Variants in ZBBX observed in about 807,000 individuals in gnomAD.
The protein encoded by ZBBX is zinc finger B-box domain-containing protein 1.
Under a neutral mutation model 108.5 loss-of-function variants are expected in ZBBX, and 101 were observed. The observed-to-expected ratio is 0.93, with a 90% CI of 0.79 to 1.10. The LOEUF (loss-of-function observed/expected upper bound fraction) is 1.10, where lower values mean the gene tolerates loss of function less well. ZBBX is among the 50% of genes least tolerant of loss of function. ZBBX has a pLI of 0.00. For synonymous variants in ZBBX, 356 were observed against 323.4 expected, an observed-to-expected ratio of 1.10 and a Z score of -1.08; for missense variants, 1,009 against 941.4, an observed-to-expected ratio of 1.07 and a Z score of -0.94.
At chr3:167,286,750 G>A (rs1173670413) in intron 19 of ZBBX, among the ~76,000 whole-genome samples, 1 of 152,058 alleles carries the variant, frequency 6.6e-6, no homozygotes, top group Non-Finnish European at 1.5e-5. Flanking sequence ...CATTTCCAGA[G>A]GCAGGAAGAT....
At chr3:167,186,220 ATTACT>A in the ZBBX span, among the ~76,000 whole-genome samples, 65 of 152,070 alleles carry the variant, frequency 4.3e-4, no homozygotes, top group South Asian at 1.9e-3. Flanking sequence ...CATATTACTG[ATTACT>A]TTATTTCAAA....
rs1738393872 is a variant in ZBBX, at chr3:167,330,871, G to GGAGAAGAAGAAGAAGAAGAAGA, written c.688-2756_688-2755insTCTTCTTCTTCTTCTTCTTCTC. Among the ~76,000 whole-genome samples the GGAGAAGAAGAAGAAGAAGAAGA allele has an allele frequency of 9.1e-5, 4 of 43,916 alleles. 1 individual carries two copies. Among genetic ancestry groups the GGAGAAGAAGAAGAAGAAGAAGA allele is most frequent in the African/African-American group, 3.2e-4 (4 of 12,344 alleles). The allele number at this position is 43,916 out of a possible 152,430, so 28.8% of individuals were successfully genotyped here. On this transcript the variant is annotated intron_variant, in intron 10 of 21. Transcript: ENST00000675490. ...GGAGGAGGAGGAGGAGGAGGAGGAGGAGAAGAAGAAGAAGAAGAAGAAGAA... is the reference window on the plus strand; with the variant it reads ...GGAGGAGGAGGAGGAGGAGGAGGAGGGAGAAGAAGAAGAAGAAGAAGAAGAAGAAGAAGAAGAAGAAGAAGAA...
At chr3:167,278,636 A>G (rs1373363159) in intron 20 of ZBBX, among the ~76,000 whole-genome samples, 1 of 151,634 alleles carries the variant, frequency 6.6e-6, no homozygotes, top group Admixed American at 6.6e-5. Context: ...AGAGTCCAGG[A>G]CCAGATGGAT....
intron 1 of ZBBX, among the ~76,000 whole-genome samples, chr3:167,402,227 A>G (rs973299337): frequency 1.3e-5 from 2 of 152,218 alleles, no homozygotes; most frequent in African/African-American, 2.4e-5. Flanking sequence ...AAATCATTCA[A>G]TCTGCTGCAT....
chr3:167,329,075 A>T (rs1025066921), intron 10 of ZBBX, among the ~76,000 whole-genome samples: 8 of 152,212 alleles, frequency 5.3e-5, no homozygotes, highest in African/African-American at 1.9e-4. Flanking sequence ...AAGTTCATCG[A>T]TGCATGTAAT....
intron 20 of ZBBX, chr3:167,252,308 T>G: frequency 1.3e-6 from 1 of 746,510 alleles, no homozygotes; most frequent in Non-Finnish European, 2.0e-6. Context: ...AAGCATCCAG[T>G]GGTGTGGAGG....
chr3:167,253,884 G>T (rs1723033603), intron 20 of ZBBX, among the ~76,000 whole-genome samples: 1 of 152,050 alleles, frequency 6.6e-6, no homozygotes, highest in South Asian at 2.1e-4. Context: ...TTTTCCACAA[G>T]TCCTTTGGCT....
chr3:167,285,490 G>A (rs1211031203), intron 19 of ZBBX, among the ~76,000 whole-genome samples: 2 of 151,886 alleles, frequency 1.3e-5, no homozygotes, highest in Non-Finnish European at 2.9e-5. Context: ...TATTTTCTAA[G>A]AATTCTTAAA....
the ZBBX span, among the ~76,000 whole-genome samples, chr3:167,231,473 G>T: frequency 6.6e-6 from 1 of 151,570 alleles, no homozygotes. Context: ...AAATATGAAG[G>T]TAATTGTTGA....
chr3:167,279,737 G>GA (rs1236721553), intron 20 of ZBBX, among the ~76,000 whole-genome samples: 3 of 151,852 alleles, frequency 2.0e-5, no homozygotes, highest in Admixed American at 6.6e-5. Flanking sequence ...CACAGAATTG[G>GA]AAAAAACTAC....
Position 167,333,145 on chromosome 3 carries a change from G to A in ZBBX, c.687+682C>T, listed in dbSNP as rs192045635. Among the ~76,000 whole-genome samples the A allele has an allele frequency of 3.2e-3, 487 of 151,960 alleles. 5 individuals are homozygous for A. The highest frequency in any genetic ancestry group is 0.011 in the African/African-American group (473 of 41,466). ...ATGTCTATGAGCATGGGTTTGGAAC[G>A]CAACAGATTTAACTTCAACCCAGAC... On this transcript the variant is annotated intron_variant, in intron 10 of 21. Coordinates refer to ENST00000675490, the MANE Select transcript of ZBBX (RefSeq NM_001199201.2).
the ZBBX span, among the ~76,000 whole-genome samples, chr3:167,231,306 A>G: frequency 6.6e-6 from 1 of 151,826 alleles, no homozygotes; most frequent in Non-Finnish European, 1.5e-5. Flanking sequence ...AAAGGAGAAG[A>G]AATTTCAGAC....
chr3:167,304,878 A>G (rs1225922165), intron 17 of ZBBX, among the ~76,000 whole-genome samples: 1 of 149,040 alleles, frequency 6.7e-6, no homozygotes, highest in Non-Finnish European at 1.5e-5. Context: ...TATCTGCCAC[A>G]AAGTGGGCAC....
intron 2 of ZBBX, among the ~76,000 whole-genome samples, chr3:167,379,232 C>T (rs1747447181): frequency 6.6e-6 from 1 of 152,170 alleles, no homozygotes; most frequent in African/African-American, 2.4e-5. Flanking sequence ...CACTCTCTCC[C>T]TGCCAGGTGT....
At chr3:167,352,234 G>A (rs1032353230) in intron 8 of ZBBX, among the ~76,000 whole-genome samples, 4 of 151,708 alleles carry the variant, frequency 2.6e-5, no homozygotes, top group African/African-American at 9.7e-5. Flanking sequence ...GAAATTGATC[G>A]ACCACTAGCT....
At chr3:167,284,688 G>A (rs1729410839) in intron 19 of ZBBX, among the ~76,000 whole-genome samples, 1 of 152,096 alleles carries the variant, frequency 6.6e-6, no homozygotes, top group South Asian at 2.1e-4. Context: ...CAAAGGACAG[G>A]TCAGACTTAT....
chr3:167,190,168 A>G, the ZBBX span, among the ~76,000 whole-genome samples: 1 of 152,274 alleles, frequency 6.6e-6, no homozygotes, highest in South Asian at 2.1e-4. Context: ...CATTATATGC[A>G]TAATGTCTAG....
intron 10 of ZBBX, chr3:167,331,661 C>T (rs1738652987): frequency 1.0e-6 from 1 of 980,964 alleles, no homozygotes; most frequent in Non-Finnish European, 1.2e-6. Flanking sequence ...ATCACGTCCA[C>T]TCAGAGTCCA....
intron 20 of ZBBX, among the ~76,000 whole-genome samples, chr3:167,243,035 T>G (rs1433856095): frequency 1.3e-5 from 2 of 152,210 alleles, no homozygotes; most frequent in Non-Finnish European, 2.9e-5. Context: ...TCCCACACAG[T>G]CTAAGGGAAA....
Sources: allele counts gnomAD v4.1 joint callset (sites outside exome capture counted in the v4.1 genomes callset), GRCh38; gene constraint gnomAD v4.1.1; transcripts MANE v1.5; gene names NCBI Gene and HGNC (gene_info 2026-07-23, HGNC 2026-07-21).